Variants in RREB1 observed in about 807,000 individuals in gnomAD.
The protein encoded by RREB1 is ras-responsive element-binding protein 1.
RREB1 carries 27 observed loss-of-function variants against 117.8 expected under a neutral mutation model. The observed-to-expected ratio is 0.23, with a 90% CI of 0.17 to 0.32. RREB1 has a LOEUF of 0.32. RREB1 is among the 10% of genes least tolerant of loss of function. The probability of loss-of-function intolerance (pLI) is 1.00; values close to 1 mark genes in which losing one functional copy is unlikely to be tolerated. For synonymous variants in RREB1, 1,298 were observed against 1,026.7 expected (o/e 1.26, Z -5.05); for missense variants, 2,577 against 2,378.2 (o/e 1.08, Z -1.74).
rs1767998292 is a variant in RREB1 at position 7,231,766 on chromosome 6, C to G, written c.3667C>G (p.Gln1223Glu). 1.9e-6 allele frequency: 3 copies of G among 1,613,864 alleles called. No homozygotes were observed. Among genetic ancestry groups the G allele is most frequent in the Non-Finnish European group, 2.5e-6 (3 of 1,180,030 alleles). The change falls in exon 10 of 13, where the codon CAG (glutamine) becomes GAG (glutamate). Residue 1223 changes from glutamine to glutamate, a missense_variant. By Grantham distance (29) the Gln-to-Glu change is conservative. Coordinates refer to ENST00000379938, the MANE Select transcript of RREB1 (RefSeq NM_001003699.4). ...CCACCATGGGCCCAGTGATGAAGAG[C>G]AGGGCAGTCCCCCAGAAGACAAGCT... Reference protein sequence around the residue: ...ADHHGPSDEEQGSPPEDKLLR... With the variant: ...ADHHGPSDEEEGSPPEDKLLR...
chr6:7,210,429 G>A (rs1766517873), intron 6 of RREB1, among the ~76,000 whole-genome samples: 1 of 152,216 alleles, frequency 6.6e-6, no homozygotes, highest in African/African-American at 2.4e-5. Context: ...TTATGAACTA[G>A]TGGAACAGTT....
At chr6:7,226,729 C>T in intron 9 of RREB1, 73 bp downstream of exon 9, 8 of 1,148,302 alleles carry the variant, frequency 7.0e-6, no homozygotes, top group Non-Finnish European at 1.0e-5. Flanking sequence ...ATGGGAACTT[C>T]CTCTCCTCAG....
chr6:7,111,964 A>G (rs190374104), intron 1 of RREB1, among the ~76,000 whole-genome samples: 14 of 152,344 alleles, frequency 9.2e-5, no homozygotes, highest in Non-Finnish European at 1.6e-4. Context: ...GCAATTTAGT[A>G]TCAGTAGAAA....
intron 6 of RREB1, among the ~76,000 whole-genome samples, chr6:7,193,081 T>C (rs1211475140): frequency 6.6e-6 from 1 of 152,254 alleles, no homozygotes; most frequent in East Asian, 1.9e-4. Flanking sequence ...TTTCACAAAT[T>C]TGTGACTTCT....
chr6:7,170,921 C>T (rs966026508), intron 1 of RREB1, among the ~76,000 whole-genome samples: 2 of 152,198 alleles, frequency 1.3e-5, no homozygotes, highest in African/African-American at 4.8e-5. Context: ...CAGAAACTCA[C>T]ACTGCTGTGC....
intron 1 of RREB1, among the ~76,000 whole-genome samples, chr6:7,133,088 A>G (rs1561735337): frequency 1.3e-5 from 2 of 152,172 alleles, no homozygotes. Context: ...TGATATTTGC[A>G]TTTTCCCTGT....
intron 9 of RREB1, 54 bp from the exon 10 acceptor site, chr6:7,228,943 A>AT: frequency 7.0e-7 from 1 of 1,424,532 alleles, no homozygotes; most frequent in South Asian, 1.8e-5. Context: ...TTTAGTGATT[A>AT]TTTTTTCAAT....
chr6:7,117,123 A>G (rs1761432599), intron 1 of RREB1, among the ~76,000 whole-genome samples: 1 of 152,166 alleles, frequency 6.6e-6, no homozygotes, highest in African/African-American at 2.4e-5. Flanking sequence ...ATGTGTTTGT[A>G]TGTGTCTGTG....
chr6:7,154,636 A>G (rs1049387884), intron 1 of RREB1, among the ~76,000 whole-genome samples: 2 of 152,182 alleles, frequency 1.3e-5, no homozygotes, highest in East Asian at 3.9e-4. Context: ...CTCACAGATG[A>G]GGAAATTGCA....
intron 1 of RREB1, among the ~76,000 whole-genome samples, chr6:7,129,354 C>T (rs1335473446): frequency 6.6e-6 from 1 of 152,168 alleles, no homozygotes; most frequent in Non-Finnish European, 1.5e-5. Context: ...TTGACCTTTT[C>T]TTCTTAATTT....
chr6:7,212,195 T>C (rs1184595416), intron 8 of RREB1: 4 of 154,388 alleles, frequency 2.6e-5, no homozygotes, highest in African/African-American at 9.6e-5. Context: ...TGAGAAGCCA[T>C]TTTGGGGTCA....
intron 6 of RREB1, among the ~76,000 whole-genome samples, chr6:7,190,575 C>G (rs1237305731): frequency 6.6e-6 from 1 of 152,182 alleles, no homozygotes; most frequent in African/African-American, 2.4e-5. Flanking sequence ...TTTATTTTCT[C>G]ATAAATTTCA....
At chr6:7,218,444 G>A (rs908810250) in intron 8 of RREB1, 1 of 152,012 alleles carries the variant, frequency 6.6e-6, no homozygotes, top group African/African-American at 2.4e-5. Context: ...GTGAGCACTG[G>A]GGGAGCTAAT....
At chr6:7,157,022 C>T (rs996937745) in intron 1 of RREB1, among the ~76,000 whole-genome samples, 3 of 152,218 alleles carry the variant, frequency 2.0e-5, no homozygotes, top group African/African-American at 4.8e-5. Flanking sequence ...CGCTGGGCTG[C>T]CTTGCCCCAG....
At chr6:7,112,195 A>T (rs1277014873) in intron 1 of RREB1, among the ~76,000 whole-genome samples, 1 of 152,238 alleles carries the variant, frequency 6.6e-6, no homozygotes, top group African/African-American at 2.4e-5. Flanking sequence ...AGAAAACAAA[A>T]ATAGGTGTGA....
Position 7,229,232 on chromosome 6 carries a change from C to A in RREB1, c.1133C>A (p.Ala378Asp). ...GLQHTKDVRP[A>D]PAEEPLPDDN... is the part of the protein sequence containing the mutation. ...CAGCACACCAAAGACGTCAGGCCTG[C>A]CCCCGCCGAGGAGCCCCTGCCGGAT... The change falls in exon 10 of 13, where the codon GCC becomes GAC. Residue 378 changes from alanine to aspartate, a missense_variant. Ala to Asp is a moderately radical substitution (Grantham distance 126). Transcript: ENST00000379938. The surrounding 1 kb of genome is among the most constrained non-coding windows in gnomAD (Gnocchi z 4.5). 6.2e-7 allele frequency: 1 copy of A among 1,613,830 alleles called. No homozygotes were observed. The highest frequency in any genetic ancestry group is 8.5e-7 in the Non-Finnish European group (1 of 1,179,886).
At chr6:7,126,120 G>T (rs905793896) in intron 1 of RREB1, among the ~76,000 whole-genome samples, 1 of 152,226 alleles carries the variant, frequency 6.6e-6, no homozygotes, top group South Asian at 2.1e-4. Flanking sequence ...TCCTGCCTCA[G>T]CCTCCTGAGT....
chr6:7,175,703 G>C (rs1193653592), intron 1 of RREB1, among the ~76,000 whole-genome samples: 1 of 152,186 alleles, frequency 6.6e-6, no homozygotes, highest in Non-Finnish European at 1.5e-5. Flanking sequence ...TTTTCTCCCA[G>C]CACAGGGCTT....
intron 1 of RREB1, among the ~76,000 whole-genome samples, chr6:7,130,513 C>T (rs1432050465): frequency 6.6e-6 from 1 of 152,196 alleles, no homozygotes; most frequent in African/African-American, 2.4e-5. Context: ...TAGTGTTCTT[C>T]CCCAGAATTG....
Sources: allele counts gnomAD v4.1 joint callset (sites outside exome capture counted in the v4.1 genomes callset), GRCh38; gene constraint gnomAD v4.1.1; non-coding constraint Gnocchi (gnomAD v3.1); transcripts MANE v1.5; gene names NCBI Gene and HGNC (gene_info 2026-07-23, HGNC 2026-07-21).